The following TSPAN15 variants were observed in gnomAD, a reference collection of about 807,000 sequenced individuals.
The protein encoded by TSPAN15 is tetraspanin-15.
TSPAN15 carries 20 observed loss-of-function variants against 34.5 expected under a neutral mutation model. The observed-to-expected ratio is 0.58, with a 90% CI of 0.41 to 0.84. The LOEUF (loss-of-function observed/expected upper bound fraction) is 0.84, where lower values mean the gene tolerates loss of function less well. Among genes scored for constraint, TSPAN15 ranks in the 40% least tolerant of loss-of-function variants. TSPAN15 has a pLI of 0.00. For missense variants in TSPAN15, 313 were observed against 386.1 expected (o/e 0.81, Z 1.59); for synonymous variants, 155 against 153.9 (o/e 1.01, Z -0.05).
the TSPAN15 span, among the ~76,000 whole-genome samples, chr10:69,528,643 G>A: frequency 1.3e-5 from 2 of 148,476 alleles, no homozygotes; most frequent in Non-Finnish European, 3.0e-5. Flanking sequence ...AGTGGAGGAT[G>A]AGCAAGGTGA....
intron 1 of TSPAN15, among the ~76,000 whole-genome samples, chr10:69,457,195 T>C (rs1841130574): frequency 6.6e-6 from 1 of 152,170 alleles, no homozygotes; most frequent in East Asian, 1.9e-4. Context: ...GAGGTCAGGA[T>C]TGTAGTTCAT....
At chr10:69,487,593 C>T (rs971593528) in intron 3 of TSPAN15, among the ~76,000 whole-genome samples, 5 of 152,346 alleles carry the variant, frequency 3.3e-5, no homozygotes, top group African/African-American at 1.2e-4. Context: ...TGGTCAGCAG[C>T]GTCCACGGCC....
chr10:69,486,584 A>G (rs1030006921), intron 3 of TSPAN15, among the ~76,000 whole-genome samples: 53 of 152,282 alleles, frequency 3.5e-4, no homozygotes, highest in African/African-American at 1.2e-3. Flanking sequence ...GACTACAGTC[A>G]TGCACCCCTG....
chr10:69,461,027 G>A (rs892418088), intron 1 of TSPAN15, among the ~76,000 whole-genome samples: 1 of 152,166 alleles, frequency 6.6e-6, no homozygotes, highest in Admixed American at 6.5e-5. Context: ...CCACAGGGGT[G>A]AGGCTTAGAT....
the TSPAN15 span, among the ~76,000 whole-genome samples, chr10:69,544,815 C>T: frequency 1.3e-5 from 2 of 152,178 alleles, no homozygotes; most frequent in Admixed American, 6.5e-5. Flanking sequence ...CCCTCCCCTT[C>T]GACTCGGGAG....
At chr10:69,520,993 C>CT in the TSPAN15 span, among the ~76,000 whole-genome samples, 7,914 of 148,108 alleles carry the variant, frequency 0.053, 296 homozygotes, top group Non-Finnish European at 0.075. Flanking sequence ...TGTTATTTTC[C>CT]TTTTTTTTTT....
chr10:69,539,379 AGAAGAAGAGGAAGAG>A, the TSPAN15 span, among the ~76,000 whole-genome samples: 45 of 131,726 alleles, frequency 3.4e-4, 3 homozygotes, highest in Non-Finnish European at 5.5e-4. Context: ...AAAAAATAGA[AGAAGAAGAGGAAGAG>A]GAAGAAGAGG....
intron 1 of TSPAN15, among the ~76,000 whole-genome samples, chr10:69,476,788 G>A (rs575719115): frequency 3.3e-5 from 5 of 152,152 alleles, no homozygotes; most frequent in Admixed American, 2.6e-4. Context: ...TCAAGAGCTG[G>A]CTTTGATTTG....
rs1367428273 is a variant in TSPAN15 at position 69,503,767 on chromosome 10, G to A, written c.571-671G>A. Among the ~76,000 whole-genome samples, 5 of 152,180 alleles carry A rather than the reference G, an allele frequency of 3.3e-5. No homozygotes were observed. In the South Asian group the frequency reaches 6.2e-4, roughly 19 times the overall value. ...TGGTGGTTGGAGAAGGAGACCCTGC[G>A]GGGCACAGGTGGTGATGGGAAGTGC... On this transcript the variant is annotated intron_variant, in intron 5 of 7. Coordinates refer to ENST00000373290, the MANE Select transcript of TSPAN15 (RefSeq NM_012339.5).
chr10:69,513,033 C>G, the TSPAN15 span, among the ~76,000 whole-genome samples: 1 of 152,140 alleles, frequency 6.6e-6, no homozygotes, highest in African/African-American at 2.4e-5. Context: ...AGTGGTTGCA[C>G]AATTTTGTAT....
At chr10:69,486,779 G>T (rs910080388) in intron 3 of TSPAN15, among the ~76,000 whole-genome samples, 2 of 152,242 alleles carry the variant, frequency 1.3e-5, no homozygotes, top group African/African-American at 4.8e-5. Context: ...GGGGCCTCCT[G>T]CAGTGGGACC....
intron 1 of TSPAN15, among the ~76,000 whole-genome samples, chr10:69,456,672 C>T (rs1223180998): frequency 3.3e-5 from 5 of 152,122 alleles, no homozygotes; most frequent in African/African-American, 7.2e-5. Context: ...TGACGCCTAC[C>T]CTCTCTGTTC....
At chr10:69,529,439 A>AAT in the TSPAN15 span, among the ~76,000 whole-genome samples, 1 of 147,620 alleles carries the variant, frequency 6.8e-6, no homozygotes, top group South Asian at 2.1e-4. Flanking sequence ...TATCTCAATT[A>AAT]AACTGTTAGA....
chr10:69,510,708 G>A (rs1240071049), downstream of TSPAN15, among the ~76,000 whole-genome samples: 2 of 152,148 alleles, frequency 1.3e-5, no homozygotes, highest in Admixed American at 6.5e-5. Context: ...TATTGGCTGT[G>A]GGTTTGTCAT....
At chr10:69,491,118 G>C (rs1209827534) in intron 3 of TSPAN15, among the ~76,000 whole-genome samples, 4 of 152,196 alleles carry the variant, frequency 2.6e-5, no homozygotes, top group Non-Finnish European at 5.9e-5. Context: ...TGTGACCCTG[G>C]CCAGGTCTGA....
intron 1 of TSPAN15, among the ~76,000 whole-genome samples, chr10:69,468,648 T>C (rs1240573605): frequency 1.3e-5 from 2 of 152,000 alleles, no homozygotes; most frequent in South Asian, 4.2e-4. Context: ...ACACCACTTC[T>C]TTTTTTGCCA....
At chr10:69,535,058 T>A in the TSPAN15 span, among the ~76,000 whole-genome samples, 1 of 152,172 alleles carries the variant, frequency 6.6e-6, no homozygotes, top group Non-Finnish European at 1.5e-5. Flanking sequence ...TGAGGTATTT[T>A]ATCTTAAAAT....
the TSPAN15 span, among the ~76,000 whole-genome samples, chr10:69,546,520 C>A: frequency 1.3e-5 from 2 of 152,288 alleles, no homozygotes; most frequent in Non-Finnish European, 2.9e-5. Context: ...ATGCTTCCTC[C>A]AAACCTTCTC....
chr10:69,502,505 C>G (rs967924705), intron 5 of TSPAN15, among the ~76,000 whole-genome samples: 9 of 152,182 alleles, frequency 5.9e-5, no homozygotes, highest in African/African-American at 2.2e-4. Flanking sequence ...TCTGGCTGCC[C>G]AGGAGTCCCC....
Sources: allele counts gnomAD v4.1 joint callset (sites outside exome capture counted in the v4.1 genomes callset), GRCh38; gene constraint gnomAD v4.1.1; transcripts MANE v1.5; gene names NCBI Gene and HGNC (gene_info 2026-07-23, HGNC 2026-07-21).